The following LRP1B variants were observed in gnomAD, a reference collection of about 807,000 sequenced individuals.
The protein encoded by LRP1B is low-density lipoprotein receptor-related protein 1B.
Under a neutral mutation model 556.6 loss-of-function variants are expected in LRP1B, and 217 were observed. The observed-to-expected ratio is 0.39, with a 90% CI of 0.35 to 0.44. LRP1B has a LOEUF of 0.44. Among genes scored for constraint, LRP1B ranks in the 20% least tolerant of loss-of-function variants. The pLI is 1.00. For missense variants in LRP1B, 5,053 were observed against 5,620.8 expected, an observed-to-expected ratio of 0.90 and a Z score of 3.23; for synonymous variants, 2,047 against 1,865.8, an observed-to-expected ratio of 1.10 and a Z score of -2.50.
intron 12 of LRP1B, among the ~76,000 whole-genome samples, chr2:141,017,439 TCA>T (rs1422993618): frequency 4.0e-5 from 6 of 151,378 alleles, no homozygotes; most frequent in Non-Finnish European, 8.8e-5. Context: ...GTGACTCAAA[TCA>T]CACATACATG....
chr2:140,264,635 A>G (rs911510270), intron 86 of LRP1B, among the ~76,000 whole-genome samples: 1 of 151,768 alleles, frequency 6.6e-6, no homozygotes, highest in African/African-American at 2.4e-5. Context: ...GGTCTTCAAC[A>G]TATGAATTCA....
At position 142,010,554 on chromosome 2, in the gene LRP1B, CAAAAAAAAAAAA is replaced by C. The variant is rs33927334; in HGVS notation, c.82+120082_82+120093del. Among the ~76,000 whole-genome samples the C allele has an allele frequency of 2.0e-4, 12 of 60,242 alleles. 1 individual carries two copies. In the East Asian group the frequency reaches 7.4e-3, roughly 37 times the overall value. The allele number at this position is 60,242 out of a possible 152,430, so 39.5% of individuals were successfully genotyped here. A position where few individuals can be genotyped will look rare whatever the true frequency, so the allele number is the denominator to read the frequency against. On this transcript the variant is annotated intron_variant, in intron 1 of 90. Transcript: ENST00000389484. ...TGGGCGACAGAGCAAGATTCTGTCT[CAAAAAAAAAAAA>C]AAAAAAAAAAAAAGAAAGAAATCAT...
chr2:141,942,504 CA>C (rs755297133), intron 1 of LRP1B, among the ~76,000 whole-genome samples: 1 of 150,992 alleles, frequency 6.6e-6, no homozygotes. Flanking sequence ...AAAAACAAAA[CA>C]AAAAAAAAAA....
chr2:141,891,565 A>G (rs1699291412), intron 1 of LRP1B, among the ~76,000 whole-genome samples: 2 of 152,160 alleles, frequency 1.3e-5, no homozygotes, highest in African/African-American at 4.8e-5. Context: ...GAATACTACC[A>G]ATTAAAATAA....
chr2:141,819,748 C>T (rs556269987), intron 1 of LRP1B, among the ~76,000 whole-genome samples: 104 of 152,226 alleles, frequency 6.8e-4, no homozygotes, highest in African/African-American at 2.3e-3. Context: ...GGATATTGGA[C>T]GTTCCCAACA....
chr2:141,911,980 C>T (rs528780498), intron 1 of LRP1B, among the ~76,000 whole-genome samples: 1 of 152,300 alleles, frequency 6.6e-6, no homozygotes, highest in African/African-American at 2.4e-5. Flanking sequence ...TGTCAGTATT[C>T]TAATGACTGT....
At chr2:140,508,434 A>C (rs1015035847) in intron 52 of LRP1B, among the ~76,000 whole-genome samples, 11 of 152,166 alleles carry the variant, frequency 7.2e-5, no homozygotes, top group Non-Finnish European at 1.6e-4. Context: ...CTCCATGAAC[A>C]AATAAATCTC....
chr2:141,911,167 G>T (rs902200694), intron 1 of LRP1B, among the ~76,000 whole-genome samples: 1 of 152,052 alleles, frequency 6.6e-6, no homozygotes, highest in African/African-American at 2.4e-5. Context: ...ATTACAGATA[G>T]ATTGGTTGGC....
At chr2:140,852,947 A>T (rs1028152326) in intron 27 of LRP1B, among the ~76,000 whole-genome samples, 3 of 152,024 alleles carry the variant, frequency 2.0e-5, no homozygotes, top group African/African-American at 7.2e-5. Context: ...TTGAAGGCAA[A>T]AAAGCGTTAT....
At chr2:140,831,072 C>T (rs1042526258) in intron 31 of LRP1B, among the ~76,000 whole-genome samples, 1 of 151,972 alleles carries the variant, frequency 6.6e-6, no homozygotes, top group East Asian at 1.9e-4. Context: ...CACAAATAAG[C>T]AAAGATATTC....
At chr2:140,915,464 C>T (rs916024133) in intron 21 of LRP1B, among the ~76,000 whole-genome samples, 2 of 145,396 alleles carry the variant, frequency 1.4e-5, no homozygotes, top group African/African-American at 5.1e-5. Context: ...GCCTGGCCAA[C>T]ATGGTGAAAA....
At chr2:140,783,849 T>C (rs988645058) in intron 32 of LRP1B, among the ~76,000 whole-genome samples, 8 of 152,308 alleles carry the variant, frequency 5.3e-5, no homozygotes, top group African/African-American at 1.4e-4. Context: ...CCCAGGACAC[T>C]GAGAAGAAGG....
intron 43 of LRP1B, among the ~76,000 whole-genome samples, chr2:140,561,811 T>C (rs183097122): frequency 2.0e-4 from 30 of 152,158 alleles, no homozygotes; most frequent in African/African-American, 6.5e-4. Flanking sequence ...AATATATCAA[T>C]ATATTTTATG....
chr2:140,890,066 T>C (rs1042994199), intron 23 of LRP1B, among the ~76,000 whole-genome samples: 1 of 149,874 alleles, frequency 6.7e-6, no homozygotes, highest in African/African-American at 2.5e-5. Flanking sequence ...TAGAATGTTA[T>C]AGAGCAGTTA....
chr2:140,487,964 G>A (rs1318871188), intron 57 of LRP1B, among the ~76,000 whole-genome samples: 1 of 151,636 alleles, frequency 6.6e-6, no homozygotes, highest in Middle Eastern at 3.4e-3. Context: ...TTCCACATAG[G>A]CCACAAAATT....
intron 77 of LRP1B, among the ~76,000 whole-genome samples, chr2:140,339,892 T>C (rs1476450719): frequency 1.3e-5 from 2 of 151,594 alleles, no homozygotes; most frequent in African/African-American, 4.8e-5. Flanking sequence ...TTATGATTTA[T>C]ACTGAACAAT....
Position 140,572,024 on chromosome 2 carries a change from A to C in LRP1B, c.7194+26607T>G, listed in dbSNP as rs148399114. ...ATTAAAGACTTAAATGTAAAACTTG[A>C]AGCTATAAAACTACTAAAAGAAAAC... On this transcript the variant is annotated intron_variant, in intron 43 of 90. Transcript: ENST00000389484. Among the ~76,000 whole-genome samples, 5 of 151,904 alleles carry C rather than the reference A, an allele frequency of 3.3e-5. No homozygotes were observed. The East Asian group carries it at 9.7e-4, about 29-fold the overall frequency.
In LRP1B at chr2:141,114,664, T is replaced by G. The variant is rs147226590; in HGVS notation, c.1014-52391A>C. 2.3e-3 allele frequency among the ~76,000 whole-genome samples: 347 copies of G among 152,122 alleles called. 1 individual carries two copies. The highest frequency in any genetic ancestry group is 8.1e-3 in the African/African-American group (335 of 41,494). On this transcript the variant is annotated intron_variant, in intron 7 of 90. Transcript: ENST00000389484. The stretch of plus-strand genomic sequence containing the variant: ...AGAGTAGTCTTGGAAAAGGCAATAT[T>G]AGAGTGTGAAAACAGGAATGCCTCT...
At chr2:140,486,302 T>C (rs1361459115) in intron 58 of LRP1B, among the ~76,000 whole-genome samples, 1 of 151,900 alleles carries the variant, frequency 6.6e-6, no homozygotes, top group Non-Finnish European at 1.5e-5. Context: ...CCTAATGCCA[T>C]CAATAATAAA....
Sources: allele counts gnomAD v4.1 joint callset (sites outside exome capture counted in the v4.1 genomes callset), GRCh38; gene constraint gnomAD v4.1.1; transcripts MANE v1.5; gene names NCBI Gene and HGNC (gene_info 2026-07-23, HGNC 2026-07-21).